The following GABBR2 variants were observed in gnomAD, a reference collection of about 807,000 sequenced individuals.
The protein encoded by GABBR2 is gamma-aminobutyric acid type B receptor subunit 2.
GABBR2 carries 23 observed loss-of-function variants against 105.6 expected under a neutral mutation model. The observed-to-expected ratio is 0.22, with a 90% CI of 0.16 to 0.31. The LOEUF is 0.31. Ranked by LOEUF, GABBR2 falls within the 10% of genes least tolerant of loss-of-function variation. GABBR2 has a pLI of 1.00. For synonymous variants in GABBR2, 478 were observed against 499.7 expected (o/e 0.96, Z 0.58); for missense variants, 734 against 1,245.5 (o/e 0.59, Z 6.18).
At position 98,563,225 on chromosome 9, in the gene GABBR2, C is replaced by T. The variant is rs557171655; in HGVS notation, c.459+14710G>A. Reference sequence around the variant, plus strand: ...CATTAAAGAGAAAGATTGAGAGCACCGAAAACCAAAATGGAAACCAAAGAT... The same window carrying T: ...CATTAAAGAGAAAGATTGAGAGCACTGAAAACCAAAATGGAAACCAAAGAT... On this transcript the variant is annotated intron_variant, in intron 2 of 18. Transcript: ENST00000259455. Among the ~76,000 whole-genome samples, 3 of 152,032 alleles carry T rather than the reference C, an allele frequency of 2.0e-5. No homozygotes were observed. In the East Asian group the frequency reaches 5.8e-4, roughly 29 times the overall value.
At chr9:98,485,496 A>G (rs1588188347) in intron 4 of GABBR2, among the ~76,000 whole-genome samples, 1 of 141,426 alleles carries the variant, frequency 7.1e-6, no homozygotes, top group East Asian at 2.7e-4. Context: ...ACACACATAC[A>G]CACACGCAGG....
chr9:98,477,655 C>A (rs1405307896), intron 5 of GABBR2, among the ~76,000 whole-genome samples: 1 of 152,112 alleles, frequency 6.6e-6, no homozygotes, highest in Non-Finnish European at 1.5e-5. Context: ...CCCTTTGGTT[C>A]TTACTAGCTG....
chr9:98,494,688 T>C (rs141767578), intron 4 of GABBR2, among the ~76,000 whole-genome samples: 5 of 151,614 alleles, frequency 3.3e-5, no homozygotes, highest in African/African-American at 9.7e-5. Context: ...GGAGGACGAA[T>C]TGAGCAAATA....
intron 3 of GABBR2, among the ~76,000 whole-genome samples, chr9:98,539,887 G>A (rs1053122249): frequency 6.9e-6 from 1 of 145,000 alleles, no homozygotes; most frequent in East Asian, 2.0e-4. Flanking sequence ...GTGCACTCCA[G>A]CCTGGTGACA....
At chr9:98,589,713 T>C (rs961013553) in intron 1 of GABBR2, among the ~76,000 whole-genome samples, 2 of 140,598 alleles carry the variant, frequency 1.4e-5, no homozygotes, top group African/African-American at 5.1e-5. Flanking sequence ...TTGGCTGTCT[T>C]TTTTTTTTTT....
At chr9:98,555,215 C>G (rs994581057) in intron 2 of GABBR2, among the ~76,000 whole-genome samples, 1 of 152,200 alleles carries the variant, frequency 6.6e-6, no homozygotes, top group Non-Finnish European at 1.5e-5. Flanking sequence ...AAGCCCTTTC[C>G]TGCAATATTC....
chr9:98,579,702 C>T (rs972581622), intron 1 of GABBR2, among the ~76,000 whole-genome samples: 2 of 152,008 alleles, frequency 1.3e-5, no homozygotes, highest in African/African-American at 4.8e-5. Flanking sequence ...TGCAGGATGG[C>T]AAAGTGGATT....
intron 13 of GABBR2, among the ~76,000 whole-genome samples, chr9:98,329,065 C>T (rs556299552): frequency 2.6e-5 from 4 of 152,310 alleles, no homozygotes; most frequent in South Asian, 2.1e-4. Context: ...CCTAGACCAG[C>T]GAGTGCCTGG....
chr9:98,371,683 C>T (rs896365846), intron 11 of GABBR2, 112 bp from the exon 12 acceptor site: 11 of 653,792 alleles, frequency 1.7e-5, no homozygotes, highest in Non-Finnish European at 2.2e-5. Context: ...ATACTCCCCT[C>T]TGCATATAGT....
intron 1 of GABBR2, among the ~76,000 whole-genome samples, chr9:98,680,102 A>G (rs1050580131): frequency 2.4e-4 from 37 of 152,188 alleles, no homozygotes; most frequent in African/African-American, 8.4e-4. Flanking sequence ...TGAGGGAAAA[A>G]ACATCTTTTC....
intron 2 of GABBR2, among the ~76,000 whole-genome samples, chr9:98,564,234 T>C (rs1196044966): frequency 1.3e-5 from 2 of 152,028 alleles, no homozygotes; most frequent in Admixed American, 6.5e-5. Context: ...AGACCCGGAG[T>C]CTGGAGCCTC....
intron 2 of GABBR2, among the ~76,000 whole-genome samples, chr9:98,574,733 A>T (rs1294152274): frequency 1.3e-5 from 2 of 152,046 alleles, no homozygotes; most frequent in Non-Finnish European, 2.9e-5. Context: ...GCTCATGGAG[A>T]GGCCAGGTAG....
At chr9:98,425,931 G>T (rs147835336) in intron 7 of GABBR2, among the ~76,000 whole-genome samples, 1 of 152,348 alleles carries the variant, frequency 6.6e-6, no homozygotes, top group African/African-American at 2.4e-5. Context: ...GGAGGATGAG[G>T]TTGTCTGCTT....
intron 17 of GABBR2, among the ~76,000 whole-genome samples, chr9:98,295,941 T>C (rs894539377): frequency 1.3e-5 from 2 of 152,188 alleles, no homozygotes; most frequent in African/African-American, 2.4e-5. Flanking sequence ...TAATCCTGTA[T>C]AGGAGCAATG....
chr9:98,443,478 T>C (rs1383348083), intron 7 of GABBR2, among the ~76,000 whole-genome samples: 5 of 152,186 alleles, frequency 3.3e-5, no homozygotes, highest in Non-Finnish European at 7.3e-5. Flanking sequence ...TCTGCAGTCA[T>C]TTGTAATTGT....
chr9:98,598,213 A>G (rs764344384), intron 1 of GABBR2, among the ~76,000 whole-genome samples: 18 of 152,224 alleles, frequency 1.2e-4, no homozygotes, highest in Admixed American at 1.3e-4. Flanking sequence ...AGAAGAGGCC[A>G]GTGACTAGAA....
intron 1 of GABBR2, among the ~76,000 whole-genome samples, chr9:98,583,131 T>C (rs1375848610): frequency 6.6e-6 from 1 of 152,242 alleles, no homozygotes; most frequent in Non-Finnish European, 1.5e-5. Context: ...AACAACGTAC[T>C]GGGCACCAAG....
intron 8 of GABBR2, among the ~76,000 whole-genome samples, chr9:98,404,600 G>C (rs1052254351): frequency 4.6e-5 from 7 of 152,074 alleles, no homozygotes; most frequent in Non-Finnish European, 7.4e-5. Context: ...TTGATGAGAG[G>C]TTCATCTAGT....
intron 6 of GABBR2, among the ~76,000 whole-genome samples, chr9:98,459,828 C>T (rs1808708781): frequency 6.6e-6 from 1 of 152,184 alleles, no homozygotes; most frequent in Admixed American, 6.5e-5. Context: ...TGAAACCGAA[C>T]CTGGAATCAT....
Sources: allele counts gnomAD v4.1 joint callset (sites outside exome capture counted in the v4.1 genomes callset), GRCh38; gene constraint gnomAD v4.1.1; transcripts MANE v1.5; gene names NCBI Gene and HGNC (gene_info 2026-07-23, HGNC 2026-07-21).